The following EPHB1 variants were observed in gnomAD, a reference collection of about 807,000 sequenced individuals.
The protein encoded by EPHB1 is ephrin type-B receptor 1.
Under a neutral mutation model 94.4 loss-of-function variants are expected in EPHB1, and 30 were observed. The observed-to-expected ratio is 0.32, with a 90% CI of 0.24 to 0.43. EPHB1 has a LOEUF of 0.43. Among genes scored for constraint, EPHB1 ranks in the 20% least tolerant of loss-of-function variants. The pLI is 1.00. For missense variants in EPHB1, 1,055 were observed against 1,308.3 expected, an observed-to-expected ratio of 0.81 and a Z score of 2.99; for synonymous variants, 522 against 489.1, an observed-to-expected ratio of 1.07 and a Z score of -0.89.
At chr3:135,106,332 G>A (rs577894940) in intron 3 of EPHB1, 116 bp from the exon 4 acceptor site, 183 of 1,143,560 alleles carry the variant, frequency 1.6e-4, no homozygotes, top group African/African-American at 5.8e-4. Context: ...CCCTTGGTAC[G>A]AGAGGGGCAT....
chr3:134,888,706 CAA>C (rs55786916), intron 1 of EPHB1, among the ~76,000 whole-genome samples: 17 of 109,636 alleles, frequency 1.6e-4, no homozygotes, highest in East Asian at 3.4e-4. Context: ...GACTCCATCT[CAA>C]AAAAAAAAAA....
chr3:135,097,809 T>C (rs548377763), intron 3 of EPHB1, among the ~76,000 whole-genome samples: 2 of 152,310 alleles, frequency 1.3e-5, no homozygotes, highest in East Asian at 3.9e-4. Context: ...GTGCCCAGGA[T>C]GATGTAGAAG....
chr3:135,017,080 G>A (rs1284862397), intron 3 of EPHB1, among the ~76,000 whole-genome samples: 2 of 152,184 alleles, frequency 1.3e-5, no homozygotes, highest in Admixed American at 1.3e-4. Context: ...ATGAAAATAC[G>A]TGATGCTTAT....
chr3:134,839,771 C>T (rs2036742377), intron 1 of EPHB1, among the ~76,000 whole-genome samples: 1 of 152,144 alleles, frequency 6.6e-6, no homozygotes, highest in Admixed American at 6.5e-5. Flanking sequence ...TTAGGAAGCC[C>T]AACTGCATAG....
intron 1 of EPHB1, among the ~76,000 whole-genome samples, chr3:134,819,716 C>T (rs1311160202): frequency 6.6e-6 from 1 of 152,222 alleles, no homozygotes; most frequent in Non-Finnish European, 1.5e-5. Context: ...GCCCTTGCAG[C>T]TTCTTTTTGT....
At chr3:135,252,629 G>A (rs1933175261) in intron 15 of EPHB1, among the ~76,000 whole-genome samples, 2 of 143,472 alleles carry the variant, frequency 1.4e-5, no homozygotes, top group Admixed American at 1.4e-4. Flanking sequence ...TGGACATGTG[G>A]GTTGGTTCCA....
intron 3 of EPHB1, among the ~76,000 whole-genome samples, chr3:134,970,604 G>T (rs913671164): frequency 6.6e-6 from 1 of 152,184 alleles, no homozygotes; most frequent in Non-Finnish European, 1.5e-5. Flanking sequence ...ATGTGTGTGT[G>T]TATGTAGGGA....
At chr3:135,148,998 T>C (rs1273414904) in intron 5 of EPHB1, among the ~76,000 whole-genome samples, 1 of 152,264 alleles carries the variant, frequency 6.6e-6, no homozygotes, top group Non-Finnish European at 1.5e-5. Context: ...CTTTGCTCTT[T>C]GCTCTCCTAT....
chr3:135,039,595 G>A (rs969885395), intron 3 of EPHB1, among the ~76,000 whole-genome samples: 10 of 152,352 alleles, frequency 6.6e-5, no homozygotes, highest in South Asian at 6.2e-4. Flanking sequence ...GCTAAGGCCC[G>A]GCGAGAAATC....
At position 134,925,456 on chromosome 3, in the gene EPHB1, C is replaced by T. The variant is rs542126717; in HGVS notation, c.59-360C>T. 1.1e-3 allele frequency among the ~76,000 whole-genome samples: 174 copies of T among 152,304 alleles called. 1 individual carries two copies. The highest frequency in any genetic ancestry group is 3.9e-3 in the African/African-American group (164 of 41,570). ...CTTTGGCTACTTGTTCAACACGGCC[C>T]TGGCAGAATCTCTGGGAAGAATAAT... On this transcript the variant is annotated intron_variant, in intron 1 of 15. Transcript: ENST00000398015.
At chr3:135,096,913 C>T (rs755451490) in intron 3 of EPHB1, among the ~76,000 whole-genome samples, 25 of 151,922 alleles carry the variant, frequency 1.6e-4, no homozygotes, top group South Asian at 6.2e-4. Flanking sequence ...CTGGCTAACA[C>T]GGTGAAACCC....
chr3:134,972,097 G>C (rs886604507), intron 3 of EPHB1, among the ~76,000 whole-genome samples: 2 of 152,114 alleles, frequency 1.3e-5, no homozygotes, highest in Non-Finnish European at 2.9e-5. Context: ...GAAACAGAAA[G>C]TAGCATGTCT....
chr3:134,808,412 C>A (rs2036109773), intron 1 of EPHB1, among the ~76,000 whole-genome samples: 1 of 152,070 alleles, frequency 6.6e-6, no homozygotes, highest in African/African-American at 2.4e-5. Context: ...CTAGCTCAGA[C>A]CCATCAAGCT....
chr3:134,903,523 G>T (rs951021022), intron 1 of EPHB1, among the ~76,000 whole-genome samples: 6 of 152,198 alleles, frequency 3.9e-5, no homozygotes, highest in African/African-American at 1.2e-4. Context: ...AAATGAATTT[G>T]CTTGGGATCG....
chr3:135,025,199 A>ATATTTATT (rs1205551708), intron 3 of EPHB1, among the ~76,000 whole-genome samples: 1 of 114,484 alleles, frequency 8.7e-6, no homozygotes, highest in African/African-American at 2.9e-5. Flanking sequence ...GTTACAAAGA[A>ATATTTATT]TATTTATTTA....
At chr3:135,113,012 C>T (rs577542272) in intron 4 of EPHB1, among the ~76,000 whole-genome samples, 12 of 152,234 alleles carry the variant, frequency 7.9e-5, no homozygotes, top group South Asian at 6.2e-4. Flanking sequence ...GATATTACCC[C>T]GATATGTAAT....
intron 9 of EPHB1, among the ~76,000 whole-genome samples, chr3:135,169,129 A>C (rs1941735642): frequency 6.6e-6 from 1 of 152,148 alleles, no homozygotes; most frequent in Admixed American, 6.5e-5. Flanking sequence ...CAAAATGCTC[A>C]CAGCTACCTT....
chr3:135,219,658 G>A (rs900027392), intron 12 of EPHB1, among the ~76,000 whole-genome samples: 5 of 152,240 alleles, frequency 3.3e-5, no homozygotes, highest in African/African-American at 9.6e-5. Context: ...TATGTTCACT[G>A]AGTTGGCAAT....
chr3:135,213,144 C>A (rs1183278204), intron 12 of EPHB1, among the ~76,000 whole-genome samples: 1 of 152,218 alleles, frequency 6.6e-6, no homozygotes, highest in African/African-American at 2.4e-5. Flanking sequence ...TAATTCTCCA[C>A]CTTGTTTTCC....
Sources: allele counts gnomAD v4.1 joint callset (sites outside exome capture counted in the v4.1 genomes callset), GRCh38; gene constraint gnomAD v4.1.1; transcripts MANE v1.5; gene names NCBI Gene and HGNC (gene_info 2026-07-23, HGNC 2026-07-21).